TET2: variants seen among roughly 807,000 people sequenced by gnomAD.
TET2 encodes tet methylcytosine dioxygenase 2.
A neutral mutation model predicts 142.9 loss-of-function variants in TET2; 299 were observed. The observed-to-expected ratio is 2.09, with a 90% CI of 1.90 to 2.30. The LOEUF (loss-of-function observed/expected upper bound fraction) is 2.30, where lower values mean the gene tolerates loss of function less well. Among genes scored for constraint, TET2 ranks in the 30% most tolerant of loss-of-function variants. The pLI, the probability that TET2 is intolerant of heterozygous loss-of-function variation, is 0.00. For missense variants in TET2, 2,418 were observed against 2,378.0 expected, an observed-to-expected ratio of 1.02 and a Z score of -0.35; for synonymous variants, 819 against 849.0, an observed-to-expected ratio of 0.96 and a Z score of 0.61.
At chr4:105,154,098 CAG>C (rs1332401221) in intron 1 of TET2, among the ~76,000 whole-genome samples, 1 of 152,126 alleles carries the variant, frequency 6.6e-6, no homozygotes, top group Non-Finnish European at 1.5e-5. Context: ...TCTAAGGAGA[CAG>C]AAAGTTGGCT....
At position 105,275,689 on chromosome 4, in the gene TET2, C is replaced by G. The variant is rs2110314145; in HGVS notation, c.5179C>G (p.His1727Asp). 6.4e-7 allele frequency: 1 copy of G among 1,551,846 alleles called. No homozygotes were observed. The highest frequency in any genetic ancestry group is 8.7e-7 in the Non-Finnish European group (1 of 1,146,996). Reference sequence around the variant, plus strand: ...AGGGAAATTGCCTCCTTATCCCACTCATGAGATGGATGGCCACTTCATGGG... The same window carrying G: ...AGGGAAATTGCCTCCTTATCCCACTGATGAGATGGATGGCCACTTCATGGG... ...HVGKLPPYPTHEMDGHFMGAT... is the reference protein window; with the variant it reads ...HVGKLPPYPTDEMDGHFMGAT... The change falls in exon 11 of 11, where the codon CAT (histidine) becomes GAT (aspartate). Residue 1727 changes from histidine to aspartate, a missense_variant. Transcript: ENST00000380013.
intron 1 of TET2, among the ~76,000 whole-genome samples, chr4:105,188,756 G>C (rs1725609918): frequency 6.6e-6 from 1 of 152,048 alleles, no homozygotes; most frequent in Non-Finnish European, 1.5e-5. Flanking sequence ...GACGTAAAAG[G>C]CCAAATTTTG....
intron 5 of TET2, 27 bp from the exon 6 acceptor site, chr4:105,243,542 GT>G (rs1560553254): frequency 6.5e-7 from 1 of 1,549,896 alleles, no homozygotes; most frequent in South Asian, 1.2e-5. Context: ...GGTGGGGGGT[GT>G]TTGGGATGGA....
intron 6 of TET2, among the ~76,000 whole-genome samples, chr4:105,247,261 A>G (rs546574072): frequency 6.6e-6 from 1 of 152,312 alleles, no homozygotes; most frequent in East Asian, 1.9e-4. Context: ...ACATTTCAGG[A>G]TGTATTTCTA....
chr4:105,259,856 G>A (rs1730336075), intron 7 of TET2, 87 bp downstream of exon 7: 8 of 1,308,200 alleles, frequency 6.1e-6, no homozygotes, highest in Non-Finnish European at 8.1e-6. Flanking sequence ...ACATATCTTG[G>A]TAAGCTCTTA....
Position 105,275,706 on chromosome 4 carries a change from CT to C in TET2, c.5198del (p.Phe1733SerfsTer12). Reference sequence around the variant, plus strand: ...ATCCCACTCATGAGATGGATGGCCACTTCATGGGAGCCACCTCTAGATTACC... The same window carrying C: ...ATCCCACTCATGAGATGGATGGCCACTCATGGGAGCCACCTCTAGATTACC... ...PYPTHEMDGH[F>X]MGATSRLPPN... On this transcript the variant is annotated frameshift_variant, in exon 11 of 11. Transcript: ENST00000380013. LOFTEE classifies it low-confidence loss of function (END_TRUNC). 6.4e-7 allele frequency: 1 copy of C among 1,551,752 alleles called. No individual in the cohort carries two copies. The highest frequency in any genetic ancestry group is 8.7e-7 in the Non-Finnish European group (1 of 1,146,960).
chr4:105,224,017 G>A (rs1357998237), intron 2 of TET2, among the ~76,000 whole-genome samples: 1 of 150,668 alleles, frequency 6.6e-6, no homozygotes, highest in African/African-American at 2.4e-5. Context: ...TTATTTTATG[G>A]AAAAAAATAA....
In TET2 at chr4:105,276,507, C is replaced by T. The variant is rs2110317164; in HGVS notation, c.5997C>T (p.Asn1999=). The part of the protein sequence containing the change: ...YAFTRVTGPY[N]RYI ...TCACTCGGGTCACAGGGCCTTACAACAGATATATATGATATCACCCCCTTT... is the reference window on the plus strand; with the variant it reads ...TCACTCGGGTCACAGGGCCTTACAATAGATATATATGATATCACCCCCTTT... Residue 1999 remains asparagine, a synonymous_variant, in exon 11 of 11, where the codon AAC becomes AAT. Coordinates refer to ENST00000380013, the MANE Select transcript of TET2 (RefSeq NM_001127208.3). 4 of 1,550,966 alleles carry T rather than the reference C, an allele frequency of 2.6e-6. No individual in the cohort carries two copies. The South Asian group carries it at 4.8e-5, about 18-fold the overall frequency.
rs201975860 is a variant in TET2, at chr4:105,260,472, AC to A, written c.3954+704del. Reference sequence around the variant, plus strand: ...AAACCCATCCTAAAGTAAAAAAAAAACGAAGCCATTATAGGTCAGGGACTGT... The same window carrying A: ...AAACCCATCCTAAAGTAAAAAAAAAAGAAGCCATTATAGGTCAGGGACTGT... On this transcript the variant is annotated intron_variant, in intron 7 of 10. Coordinates refer to ENST00000380013, the MANE Select transcript of TET2 (RefSeq NM_001127208.3). Among the ~76,000 whole-genome samples, 1,129 of 152,168 alleles carry A rather than the reference AC, an allele frequency of 7.4e-3. 17 individuals carry two copies. Among genetic ancestry groups the A allele is most frequent in the African/African-American group, 0.026 (1,066 of 41,522 alleles).
At chr4:105,208,094 AGTTCAT>A (rs1371981627) in intron 2 of TET2, among the ~76,000 whole-genome samples, 1 of 152,182 alleles carries the variant, frequency 6.6e-6, no homozygotes, top group Non-Finnish European at 1.5e-5. Flanking sequence ...TTGCTACTTG[AGTTCAT>A]GGGAATAAAA....
At chr4:105,245,301 A>G (rs557057353) in intron 6 of TET2, among the ~76,000 whole-genome samples, 1 of 152,184 alleles carries the variant, frequency 6.6e-6, no homozygotes, top group East Asian at 1.9e-4. Flanking sequence ...CATGTAACTT[A>G]TAAACTTATG....
At chr4:105,167,429 A>G (rs1724215658) in intron 1 of TET2, among the ~76,000 whole-genome samples, 1 of 151,864 alleles carries the variant, frequency 6.6e-6, no homozygotes, top group African/African-American at 2.4e-5. Flanking sequence ...ATGTATATGT[A>G]GTATATGTAC....
At chr4:105,163,432 T>G (rs1723956254) in intron 1 of TET2, among the ~76,000 whole-genome samples, 2 of 152,140 alleles carry the variant, frequency 1.3e-5, no homozygotes, top group Admixed American at 6.5e-5. Context: ...TTCCTTGCAT[T>G]TACAGATGAG....
chr4:105,184,720 G>GGTGTGT (rs34103341), intron 1 of TET2, among the ~76,000 whole-genome samples: 9 of 150,678 alleles, frequency 6.0e-5, no homozygotes, highest in African/African-American at 1.5e-4. Flanking sequence ...CTTGCAGAGA[G>GGTGTGT]GTGTGTGTGT....
intron 1 of TET2, among the ~76,000 whole-genome samples, chr4:105,163,819 GA>G (rs1723983400): frequency 2.7e-5 from 2 of 75,446 alleles, no homozygotes; most frequent in Non-Finnish European, 5.0e-5. Context: ...GAGAGAGAGA[GA>G]GAGAGAGAGA....
chr4:105,253,453 C>T (rs1729970165), intron 6 of TET2, among the ~76,000 whole-genome samples: 1 of 151,618 alleles, frequency 6.6e-6, no homozygotes, highest in South Asian at 2.1e-4. Flanking sequence ...ATCTCAGATT[C>T]TGCTTGTACA....
At chr4:105,233,370 T>G (rs1472253161) in intron 2 of TET2, among the ~76,000 whole-genome samples, 3 of 80,346 alleles carry the variant, frequency 3.7e-5, no homozygotes, top group African/African-American at 2.5e-4. Context: ...GGCAAGAGAG[T>G]GAGACTCCAT....
At chr4:105,213,155 C>G (rs1431225047) in intron 2 of TET2, among the ~76,000 whole-genome samples, 1 of 152,104 alleles carries the variant, frequency 6.6e-6, no homozygotes, top group African/African-American at 2.4e-5. Flanking sequence ...CTTTTTCTGA[C>G]ATAGAAATAT....
Position 105,202,041 on chromosome 4 carries a change from C to G in TET2, c.-47+11536C>G, listed in dbSNP as rs530095591. Among the ~76,000 whole-genome samples, 93 of 152,168 alleles carry G rather than the reference C, an allele frequency of 6.1e-4. 1 individual carries two copies. The South Asian group carries it at 0.019, about 30-fold the overall frequency. ...TATGGGAATGAGCTGCCACACCCAG[C>G]CCCTCCGGAATCTTTAGATTACCAA... On this transcript the variant is annotated intron_variant, in intron 2 of 10. Transcript: ENST00000380013.
Sources: gnomAD v4.1 joint callset for allele counts (sites outside exome capture counted in the v4.1 genomes callset) on GRCh38, gnomAD v4.1.1 for gene constraint, MANE v1.5 for transcripts, NCBI Gene and HGNC (gene_info 2026-07-23, HGNC 2026-07-21) for gene names.